Variants in ECHDC1 observed in about 807,000 individuals in gnomAD.
ECHDC1 encodes the protein ethylmalonyl-CoA decarboxylase 1.
Under a neutral mutation model 29.7 loss-of-function variants are expected in ECHDC1, and 29 were observed. That is an observed-to-expected ratio of 0.98 (90% CI 0.73 to 1.33). ECHDC1 has a LOEUF of 1.33. Ranked by LOEUF, ECHDC1 falls within the 40% of genes most tolerant of loss-of-function variation. ECHDC1 has a pLI of 0.00. For synonymous variants in ECHDC1, 126 were observed against 123.1 expected, an observed-to-expected ratio of 1.02 and a Z score of -0.15; for missense variants, 328 against 350.0, an observed-to-expected ratio of 0.94 and a Z score of 0.50.
chr6:127,302,267 G>C (rs996576808), intron 5 of ECHDC1, among the ~76,000 whole-genome samples: 2 of 152,042 alleles, frequency 1.3e-5, no homozygotes, highest in Non-Finnish European at 2.9e-5. Flanking sequence ...GTCTAATAAA[G>C]GTGAACACCG....
chr6:127,332,631 A>C (rs557383070), intron 1 of ECHDC1, among the ~76,000 whole-genome samples: 3 of 152,326 alleles, frequency 2.0e-5, no homozygotes, highest in Admixed American at 2.0e-4. Context: ...GGTAGATAAT[A>C]GACAAAAGGT....
At chr6:127,328,787 G>T (rs1364558082) in intron 2 of ECHDC1, among the ~76,000 whole-genome samples, 1 of 152,170 alleles carries the variant, frequency 6.6e-6, no homozygotes, top group Non-Finnish European at 1.5e-5. Flanking sequence ...AGCACTTTGG[G>T]AGGCCAAGGC....
intron 1 of ECHDC1, among the ~76,000 whole-genome samples, chr6:127,336,725 T>A (rs1337730523): frequency 6.6e-6 from 1 of 152,152 alleles, no homozygotes; most frequent in Non-Finnish European, 1.5e-5. Flanking sequence ...CATAGAAAAT[T>A]CAAGTCTACG....
rs757132115 is a variant in ECHDC1 at position 127,331,005 on chromosome 6, T to A, written c.24A>T (p.Thr8=). The stretch of plus-strand genomic sequence containing the variant: ...ATTTTGTCCTTCCAGACAGAGAGGC[T>A]GTCTTCAAAAGACTTTTCGCCATTT... MAKSLLK[T]ASLSGRTKLL... The change falls in exon 2 of 6, where the codon ACA becomes ACT. Residue 8 remains threonine (T), a synonymous_variant. Coordinates refer to ENST00000454859, the MANE Select transcript of ECHDC1 (RefSeq NM_001002030.2). 1 of 1,613,476 alleles carries A rather than the reference T, an allele frequency of 6.2e-7. No homozygotes were observed. The highest frequency in any genetic ancestry group is 1.3e-5 in the African/African-American group (1 of 74,944).
At chr6:127,307,774 A>G (rs1457105439) in intron 5 of ECHDC1, among the ~76,000 whole-genome samples, 1 of 151,390 alleles carries the variant, frequency 6.6e-6, no homozygotes, top group East Asian at 1.9e-4. Flanking sequence ...AAAAAAAGAG[A>G]AATTCCAAAT....
intron 1 of ECHDC1, among the ~76,000 whole-genome samples, chr6:127,333,778 T>A (rs1428420724): frequency 6.6e-6 from 1 of 151,934 alleles, no homozygotes; most frequent in Non-Finnish European, 1.5e-5. Context: ...ATACTGTCAG[T>A]TTTTTAAAAT....
intron 5 of ECHDC1, among the ~76,000 whole-genome samples, chr6:127,314,375 A>T (rs1782192439): frequency 6.6e-6 from 1 of 152,138 alleles, no homozygotes; most frequent in South Asian, 2.1e-4. Context: ...AGTTGCTATA[A>T]ATCACAGCAA....
At position 127,288,938 on chromosome 6, in the gene ECHDC1, AC is replaced by A. The variant is rs1250908426; in HGVS notation, c.*930del. 2 of 152,024 alleles carry A rather than the reference AC, an allele frequency of 1.3e-5. No homozygotes were observed. Among genetic ancestry groups the A allele is most frequent in the African/African-American group, 2.4e-5 (1 of 41,418 alleles). The allele number at this position is 152,024 out of a possible 1,614,324, so 9.4% of individuals were successfully genotyped here. A position where few individuals can be genotyped will look rare whatever the true frequency, so the allele number is the denominator to read the frequency against. On this transcript the variant is annotated 3_prime_UTR_variant, in exon 6 of 6. Coordinates refer to ENST00000454859, the MANE Select transcript of ECHDC1 (RefSeq NM_001002030.2). Reference sequence around the variant, plus strand: ...AATGTTACAGTAGCAAATACTTTTGACCTCTTGTGATGAGTCAGAACTAGAA... The same window carrying A: ...AATGTTACAGTAGCAAATACTTTTGACTCTTGTGATGAGTCAGAACTAGAA...
intron 3 of ECHDC1, among the ~76,000 whole-genome samples, chr6:127,316,851 G>C (rs1213265397): frequency 6.6e-6 from 1 of 151,982 alleles, no homozygotes; most frequent in Non-Finnish European, 1.5e-5. Flanking sequence ...ACATATAAGA[G>C]AAGAAGGGAA....
chr6:127,323,872 C>T (rs1783061511), intron 3 of ECHDC1, among the ~76,000 whole-genome samples: 1 of 151,992 alleles, frequency 6.6e-6, no homozygotes, highest in Non-Finnish European at 1.5e-5. Context: ...AAAACAAGTT[C>T]CTTGGAGGAT....
chr6:127,305,534 A>G (rs182461550), intron 5 of ECHDC1, among the ~76,000 whole-genome samples: 2 of 152,202 alleles, frequency 1.3e-5, no homozygotes, highest in East Asian at 3.9e-4. Context: ...GAATATTAAA[A>G]CACTGTAACT....
chr6:127,324,144 C>T (rs760756013), intron 3 of ECHDC1, among the ~76,000 whole-genome samples: 18 of 152,114 alleles, frequency 1.2e-4, no homozygotes, highest in Non-Finnish European at 2.1e-4. Context: ...CTACTGCACC[C>T]TAATCTTTAA....
intron 5 of ECHDC1, among the ~76,000 whole-genome samples, chr6:127,309,477 CAAA>C (rs1367452918): frequency 2.2e-5 from 2 of 92,258 alleles, no homozygotes; most frequent in Admixed American, 1.1e-4. Flanking sequence ...AAACAAACAA[CAAA>C]ACACACACAC....
chr6:127,296,394 C>T (rs34239340), intron 5 of ECHDC1, among the ~76,000 whole-genome samples: 45,440 of 151,936 alleles, frequency 0.3, 8,562 homozygotes, highest in Non-Finnish European at 0.43. Flanking sequence ...AGGGTTTCAC[C>T]ATACTGGCCA....
chr6:127,326,571 T>C (rs916513838), intron 3 of ECHDC1: 6 of 421,914 alleles, frequency 1.4e-5, no homozygotes, highest in Non-Finnish European at 2.5e-5. Context: ...CATCTGCAAC[T>C]TTCCTGTAAA....
intron 3 of ECHDC1, among the ~76,000 whole-genome samples, chr6:127,317,616 A>G (rs531415613): frequency 4.6e-4 from 70 of 152,298 alleles, no homozygotes; most frequent in Middle Eastern, 6.8e-3. Context: ...GAAACTCTAT[A>G]AAAGATTGCA....
intron 3 of ECHDC1, among the ~76,000 whole-genome samples, chr6:127,316,893 T>TA (rs1782429273): frequency 2.1e-5 from 3 of 146,280 alleles, no homozygotes; most frequent in African/African-American, 7.7e-5. Flanking sequence ...GCTTTGATTT[T>TA]TAAAAAAATA....
At chr6:127,318,348 A>G (rs1782565350) in intron 3 of ECHDC1, among the ~76,000 whole-genome samples, 1 of 152,200 alleles carries the variant, frequency 6.6e-6, no homozygotes, top group African/African-American at 2.4e-5. Flanking sequence ...AAATCTCACA[A>G]TAACAATTTT....
At chr6:127,327,237 A>G in intron 2 of ECHDC1, 93 bp from the exon 3 acceptor site, 1 of 1,365,392 alleles carries the variant, frequency 7.3e-7, no homozygotes, top group Non-Finnish European at 1.0e-6. Context: ...GCATACTCTT[A>G]GGTCCTATAT....
Sources: allele counts gnomAD v4.1 joint callset (sites outside exome capture counted in the v4.1 genomes callset), GRCh38; gene constraint gnomAD v4.1.1; transcripts MANE v1.5; gene names NCBI Gene and HGNC (gene_info 2026-07-23, HGNC 2026-07-21).